Variants in ZDHHC6 observed in about 807,000 individuals in gnomAD.
ZDHHC6 encodes the protein palmitoyltransferase ZDHHC6.
A neutral mutation model predicts 57.8 loss-of-function variants in ZDHHC6; 32 were observed. The observed-to-expected ratio is 0.55, with a 90% confidence interval of 0.42 to 0.74. The LOEUF is 0.74. ZDHHC6 is among the 30% of genes least tolerant of loss of function. The pLI is 0.00. For missense variants in ZDHHC6, 433 were observed against 500.7 expected (o/e 0.86, Z 1.29); for synonymous variants, 128 against 158.0 (o/e 0.81, Z 1.42).
Position 112,445,620 on chromosome 10 carries a change from G to A in ZDHHC6, c.-184C>T. On this transcript the variant is annotated 5_prime_UTR_variant, in exon 2 of 11. Transcript: ENST00000369405. The stretch of plus-strand genomic sequence containing the variant: ...ACCCAAAGCTCTTTATCTTAACTAG[G>A]AGAATCCAGTGTCTTGGTCTGAAAC... 1 of 696,596 alleles carries A rather than the reference G, an allele frequency of 1.4e-6. No individual in the cohort carries two copies. The highest frequency in any genetic ancestry group is 2.3e-6 in the Non-Finnish European group (1 of 435,200). The allele number at this position is 696,596 out of a possible 1,614,324, so 43.2% of individuals were successfully genotyped here.
chr10:112,431,853 G>C (rs975238271), intron 10 of ZDHHC6, among the ~76,000 whole-genome samples: 4 of 152,194 alleles, frequency 2.6e-5, no homozygotes, highest in African/African-American at 9.7e-5. Flanking sequence ...GAGTCAGACT[G>C]CTTGGGGTTA....
chr10:112,429,287 T>G (rs1418941006), downstream of ZDHHC6, among the ~76,000 whole-genome samples: 1 of 152,202 alleles, frequency 6.6e-6, no homozygotes, highest in Non-Finnish European at 1.5e-5. Context: ...CAGCTGAACC[T>G]CACTAGTTAC....
At chr10:112,439,845 A>G (rs945318533) in intron 5 of ZDHHC6, among the ~76,000 whole-genome samples, 2 of 151,880 alleles carry the variant, frequency 1.3e-5, no homozygotes, top group Non-Finnish European at 2.9e-5. Flanking sequence ...ATGCAGCCTT[A>G]GAAATTAGCA....
At position 112,432,531 on chromosome 10, in the gene ZDHHC6, G is replaced by A; in HGVS notation, c.946-10C>T. The A allele has an allele frequency of 6.2e-7, 1 of 1,608,364 alleles. No individual in the cohort carries two copies. The highest frequency in any genetic ancestry group is 8.5e-7 in the Non-Finnish European group (1 of 1,178,432). ...TTACTTTATAGCGAACCTGTCGTCA[G>A]TGATCAGAAGAAACCTTTAAATATT... On this transcript the variant is annotated splice_polypyrimidine_tract_variant and intron_variant, in intron 8 of 10. Coordinates refer to ENST00000369405, the MANE Select transcript of ZDHHC6 (RefSeq NM_022494.3).
Position 112,434,279 on chromosome 10 carries a change from T to C in ZDHHC6, c.903+18A>G. 6.5e-7 allele frequency: 1 copy of C among 1,539,226 alleles called. No homozygotes were observed. The highest frequency in any genetic ancestry group is 8.8e-7 in the Non-Finnish European group (1 of 1,140,026). The stretch of plus-strand genomic sequence containing the variant: ...AGGCGAGGCAAAAAGGAAGGGCTAT[T>C]TGAACAAAAATACTCACTGTTAAGC... On this transcript the variant is annotated intron_variant, in intron 7 of 10. Coordinates refer to ENST00000369405, the MANE Select transcript of ZDHHC6 (RefSeq NM_022494.3).
chr10:112,442,463 A>T, intron 3 of ZDHHC6, 112 bp from the exon 4 acceptor site: 1 of 977,436 alleles, frequency 1.0e-6, no homozygotes, highest in Non-Finnish European at 1.5e-6. Context: ...ATGAGCTACG[A>T]GAGAATTATA....
downstream of ZDHHC6, chr10:112,426,446 A>C (rs1039368316): frequency 8.8e-7 from 1 of 1,138,694 alleles, no homozygotes; most frequent in Admixed American, 1.8e-5. Context: ...ATCTGTCACA[A>C]GTGGCTGCAG....
At position 112,444,921 on chromosome 10, in the gene ZDHHC6, C is replaced by T. The variant is rs1274994445; in HGVS notation, c.267+249G>A. Among the ~76,000 whole-genome samples the T allele has an allele frequency of 2.6e-5, 4 of 152,044 alleles. No individual in the cohort carries two copies. The East Asian group carries it at 5.8e-4, about 22-fold the overall frequency. On this transcript the variant is annotated intron_variant, in intron 2 of 10. Coordinates refer to ENST00000369405, the MANE Select transcript of ZDHHC6 (RefSeq NM_022494.3). ...TGAACCTATCCCACCTCCACCCCACCTCCATCTTTTTTTTAATGCAGAGCA... is the reference window on the plus strand; with the variant it reads ...TGAACCTATCCCACCTCCACCCCACTTCCATCTTTTTTTTAATGCAGAGCA...
intron 1 of ZDHHC6, 46 bp from the exon 2 acceptor site, chr10:112,445,696 A>C: frequency 1.9e-6 from 1 of 532,240 alleles, no homozygotes; most frequent in East Asian, 2.8e-5. Flanking sequence ...AAAACAAAAC[A>C]AAACCTTTAT....
At position 112,439,628 on chromosome 10, in the gene ZDHHC6, TAAAAAAAAAAAAAAAAA is replaced by T. The variant is rs869272293; in HGVS notation, c.681+889_681+905del. Reference sequence around the variant, plus strand: ...CTGGGTGACAGAGTGAGACTCCGTCTAAAAAAAAAAAAAAAAAAAAAAAAAAAAAAAAAAAAAAAAAG... The same window carrying T: ...CTGGGTGACAGAGTGAGACTCCGTCTAAAAAAAAAAAAAAAAAAAAAAAAG... On this transcript the variant is annotated intron_variant, in intron 5 of 10. Coordinates refer to ENST00000369405, the MANE Select transcript of ZDHHC6 (RefSeq NM_022494.3). 3.2e-3 allele frequency among the ~76,000 whole-genome samples: 100 copies of T among 31,300 alleles called. 2 individuals are homozygous for T. The highest frequency in any genetic ancestry group is 7.4e-3 in the Admixed American group (12 of 1,616). 20.5% of individuals were successfully genotyped at this position (31,300 alleles called of 152,430 possible).
At chr10:112,426,940 A>G (rs979910526), downstream of ZDHHC6, 8 of 1,218,938 alleles carry the variant, frequency 6.6e-6, 1 homozygote, top group South Asian at 7.8e-5. Context: ...GTTTAAATGT[A>G]TAATTTCTAA....
intron 6 of ZDHHC6, among the ~76,000 whole-genome samples, chr10:112,437,893 C>T (rs1156341027): frequency 6.6e-6 from 1 of 152,176 alleles, no homozygotes; most frequent in Non-Finnish European, 1.5e-5. Context: ...ATGCTAGAAT[C>T]ACAATGGACA....
chr10:112,445,880 T>G (rs4918753), intron 1 of ZDHHC6, among the ~76,000 whole-genome samples: 146,951 of 152,326 alleles, frequency 0.96, 71,112 homozygotes, highest in Middle Eastern at 1. Flanking sequence ...CAAAATAGTT[T>G]TTTTTATTCC....
intron 10 of ZDHHC6, among the ~76,000 whole-genome samples, chr10:112,432,017 G>C (rs1002158705): frequency 6.6e-6 from 1 of 152,106 alleles, no homozygotes; most frequent in East Asian, 1.9e-4. Flanking sequence ...AGTACTTTTC[G>C]CATAGTTATG....
At chr10:112,425,291 C>A in exon 12 of ZDHHC6, 1 of 1,537,164 alleles carries the variant, frequency 6.5e-7, no homozygotes, top group Non-Finnish European at 8.8e-7. Flanking sequence ...CCACTGATAT[C>A]ATCTCTGTGG....
chr10:112,428,216 A>G (rs1844814359), downstream of ZDHHC6: 1 of 374,606 alleles, frequency 2.7e-6, no homozygotes, highest in African/African-American at 2.1e-5. Context: ...ACAAAGATCT[A>G]CAGGCAAGCA....
intron 10 of ZDHHC6, 152 bp from the exon 11 acceptor site, chr10:112,431,059 A>G (rs1026705009): frequency 6.2e-6 from 4 of 644,396 alleles, no homozygotes; most frequent in East Asian, 2.8e-5. Context: ...TTTGAAGGGG[A>G]AAAAAATAAG....
chr10:112,427,874 CA>C (rs973275153), downstream of ZDHHC6: 6 of 152,720 alleles, frequency 3.9e-5, no homozygotes, highest in Admixed American at 2.6e-4. Flanking sequence ...GCCTATCACT[CA>C]TGTCAATCAT....
rs1386216594 is a variant in ZDHHC6, at chr10:112,430,836, G to T, written c.1210C>A (p.Gln404Lys). ...EKCPCDAETD[Q>K]APEGEKKNR ...TTTTTCTTCTCCCCCTCTGGGGCTT[G>T]ATCTGTTTCAGCATCACAGGGACAC... Residue 404 changes from glutamine (Q) to lysine (K), a missense_variant, in exon 11 of 11, where the codon CAA (glutamine) becomes AAA (lysine). Gln to Lys is a moderately conservative substitution (Grantham distance 53, BLOSUM62 1). Transcript: ENST00000369405. 6.2e-7 allele frequency: 1 copy of T among 1,613,702 alleles called. No individual in the cohort carries two copies. The highest frequency in any genetic ancestry group is 8.5e-7 in the Non-Finnish European group (1 of 1,179,826).
Sources: gnomAD v4.1 joint callset for allele counts (sites outside exome capture counted in the v4.1 genomes callset) on GRCh38, gnomAD v4.1.1 for gene constraint, MANE v1.5 for transcripts, NCBI Gene and HGNC (gene_info 2026-07-23, HGNC 2026-07-21) for gene names.